The following GALNTL6 variants were observed in gnomAD, a reference collection of about 807,000 sequenced individuals.
GALNTL6 encodes polypeptide N-acetylgalactosaminyltransferase-like 6.
In GALNTL6, 46 loss-of-function variants were observed where a neutral mutation model predicts 73.7. The ratio of observed to expected loss-of-function variants is 0.62; its 90% CI spans 0.49 to 0.80. The LOEUF (loss-of-function observed/expected upper bound fraction) is 0.80, where lower values mean the gene tolerates loss of function less well. Ranked by LOEUF, GALNTL6 falls within the 30% of genes least tolerant of loss-of-function variation. The pLI is 0.00. For missense variants in GALNTL6, 604 were observed against 755.0 expected (o/e 0.80, Z 2.34); for synonymous variants, 259 against 263.7 (o/e 0.98, Z 0.17).
chr4:172,847,123 G>A (rs1025289162), intron 7 of GALNTL6, among the ~76,000 whole-genome samples: 5 of 152,290 alleles, frequency 3.3e-5, no homozygotes, highest in South Asian at 2.1e-4. Flanking sequence ...TTTGCCTATA[G>A]CTTTAAAGCA....
chr4:172,502,221 A>G (rs1484075102), intron 5 of GALNTL6, among the ~76,000 whole-genome samples: 2 of 152,146 alleles, frequency 1.3e-5, no homozygotes, highest in Admixed American at 1.3e-4. Context: ...AATAATCCAA[A>G]ATTCTTCACA....
chr4:171,816,480 G>A (rs1734527338), intron 2 of GALNTL6: 1 of 151,926 alleles, frequency 6.6e-6, no homozygotes, highest in Non-Finnish European at 1.5e-5. Flanking sequence ...AAAGTAATGG[G>A]TATAAAAGAC....
At chr4:172,750,785 GCT>G (rs1259824058) in intron 5 of GALNTL6, among the ~76,000 whole-genome samples, 3 of 151,988 alleles carry the variant, frequency 2.0e-5, no homozygotes, top group African/African-American at 7.3e-5. Flanking sequence ...CCATATTTTT[GCT>G]CTTTCCTTTG....
chr4:172,249,352 G>A (rs556845451), intron 3 of GALNTL6, among the ~76,000 whole-genome samples: 5 of 152,310 alleles, frequency 3.3e-5, no homozygotes, highest in South Asian at 4.1e-4. Flanking sequence ...AAGTGGCCAA[G>A]CATTCAAGAG....
intron 5 of GALNTL6, among the ~76,000 whole-genome samples, chr4:172,429,959 A>G (rs1312057759): frequency 6.6e-6 from 1 of 152,136 alleles, no homozygotes; most frequent in Non-Finnish European, 1.5e-5. Flanking sequence ...TGCTTCAAAC[A>G]GTTTTCTCAA....
chr4:172,779,479 T>C (rs1377813965), intron 5 of GALNTL6, among the ~76,000 whole-genome samples: 2 of 152,298 alleles, frequency 1.3e-5, no homozygotes, highest in African/African-American at 2.4e-5. Flanking sequence ...CTTCTAGCCA[T>C]GTCAAGGGAA....
intron 5 of GALNTL6, among the ~76,000 whole-genome samples, chr4:172,379,577 AATC>A (rs1174684020): frequency 6.8e-6 from 1 of 148,078 alleles, no homozygotes; most frequent in African/African-American, 2.5e-5. Flanking sequence ...AGCTGCTTTT[AATC>A]AATGCAATTA....
intron 10 of GALNTL6, among the ~76,000 whole-genome samples, chr4:172,959,964 TA>T (rs1397390007): frequency 1.3e-5 from 2 of 152,176 alleles, no homozygotes; most frequent in African/African-American, 4.8e-5. Context: ...AACTCAGAAA[TA>T]CATTGCTACT....
In GALNTL6 at chr4:171,887,250, G is replaced by A. The variant is rs193104077; in HGVS notation, c.138+72532G>A. Among the ~76,000 whole-genome samples the A allele has an allele frequency of 4.3e-4, 65 of 152,196 alleles. No homozygotes were observed. In the East Asian group the frequency reaches 5.0e-3, roughly 12 times the overall value. On this transcript the variant is annotated intron_variant, in intron 2 of 12. Coordinates refer to ENST00000506823, the MANE Select transcript of GALNTL6 (RefSeq NM_001034845.3). The stretch of plus-strand genomic sequence containing the variant: ...CTAAACCCCACCTCCCAACATTTGC[G>A]TTGGGGTTTAAGTTTCAACAAGGGT...
intron 5 of GALNTL6, among the ~76,000 whole-genome samples, chr4:172,488,146 C>G (rs1327838472): frequency 6.6e-6 from 1 of 152,150 alleles, no homozygotes; most frequent in Non-Finnish European, 1.5e-5. Context: ...AGCTACCTCA[C>G]TAGAACATTT....
chr4:171,931,413 A>G (rs1348900214), intron 2 of GALNTL6, among the ~76,000 whole-genome samples: 1 of 152,210 alleles, frequency 6.6e-6, no homozygotes, highest in Non-Finnish European at 1.5e-5. Flanking sequence ...TTGCAGACAC[A>G]TAGAAAAGTA....
intron 5 of GALNTL6, among the ~76,000 whole-genome samples, chr4:172,620,375 T>C (rs550890515): frequency 2.6e-5 from 4 of 152,206 alleles, no homozygotes; most frequent in Non-Finnish European, 5.9e-5. Context: ...GTGAAGATTA[T>C]AGTAAATGAA....
intron 2 of GALNTL6, among the ~76,000 whole-genome samples, chr4:172,058,112 G>T (rs973660874): frequency 3.0e-5 from 1 of 33,680 alleles, no homozygotes; most frequent in Admixed American, 3.6e-4. Context: ...AGGCTGAAGT[G>T]GTTGTTTTGT....
chr4:172,312,948 A>C (rs901308899), intron 4 of GALNTL6, among the ~76,000 whole-genome samples: 1 of 152,162 alleles, frequency 6.6e-6, no homozygotes. Context: ...TAACCAGCCA[A>C]ATTATCCCCA....
At chr4:172,439,157 A>G (rs1400898447) in intron 5 of GALNTL6, among the ~76,000 whole-genome samples, 1 of 126,954 alleles carries the variant, frequency 7.9e-6, no homozygotes, top group Non-Finnish European at 1.6e-5. Flanking sequence ...CCAGCTACCC[A>G]TTTCTCTCTC....
At chr4:172,815,534 A>C (rs1741551949) in intron 7 of GALNTL6, among the ~76,000 whole-genome samples, 1 of 152,200 alleles carries the variant, frequency 6.6e-6, no homozygotes, top group African/African-American at 2.4e-5. Context: ...TTGCACTGTG[A>C]TAGCAGAGTA....
chr4:172,488,839 TG>T (rs1733789745), intron 5 of GALNTL6, among the ~76,000 whole-genome samples: 1 of 82,824 alleles, frequency 1.2e-5, no homozygotes, highest in South Asian at 5.2e-4. Flanking sequence ...AGTCCTGGGG[TG>T]GGGGTGGGGG....
intron 2 of GALNTL6, among the ~76,000 whole-genome samples, chr4:171,832,128 T>G (rs1434953878): frequency 6.6e-6 from 1 of 151,358 alleles, no homozygotes; most frequent in African/African-American, 2.4e-5. Flanking sequence ...TGGAAATTGG[T>G]TTTCATTTTC....
intron 8 of GALNTL6, among the ~76,000 whole-genome samples, chr4:172,912,318 G>T (rs79376885): frequency 0.03 from 4,602 of 152,298 alleles, 177 homozygotes; most frequent in African/African-American, 0.085. Context: ...CAGAAGACGG[G>T]TGATTTCTGC....
Sources: allele counts gnomAD v4.1 joint callset (sites outside exome capture counted in the v4.1 genomes callset), GRCh38; gene constraint gnomAD v4.1.1; transcripts MANE v1.5; gene names NCBI Gene and HGNC (gene_info 2026-07-23, HGNC 2026-07-21).